Variants in ZNF461 observed in about 807,000 individuals in gnomAD.
The protein encoded by ZNF461 is gonadotropin-inducible ovarian transcription factor-1.
A neutral mutation model predicts 18.3 loss-of-function variants in ZNF461; 16 were observed. The observed-to-expected ratio is 0.88, with a 90% confidence interval of 0.59 to 1.33. ZNF461 has a LOEUF of 1.33. ZNF461 is among the 40% of genes most tolerant of loss of function. The pLI is 0.00. For missense variants in ZNF461, 595 were observed against 669.9 expected (o/e 0.89, Z 1.23); for synonymous variants, 179 against 216.9 (o/e 0.83, Z 1.54).
chr19:36,646,320 C>T (rs1314297151), intron 4 of ZNF461, among the ~76,000 whole-genome samples: 7 of 152,060 alleles, frequency 4.6e-5, no homozygotes, highest in African/African-American at 7.2e-5. Flanking sequence ...TTAGTAGAAA[C>T]GGAGTTTCAC....
chr19:36,640,089 G>T, intron 5 of ZNF461, 46 bp from the exon 6 acceptor site: 2 of 1,474,162 alleles, frequency 1.4e-6, no homozygotes, highest in South Asian at 1.3e-5. Context: ...TGTACTATAA[G>T]AGAAATAAAA....
At chr19:36,662,233 T>A (rs761226329) in intron 2 of ZNF461, among the ~76,000 whole-genome samples, 1 of 151,920 alleles carries the variant, frequency 6.6e-6, no homozygotes, top group Non-Finnish European at 1.5e-5. Context: ...AAGCTATGAT[T>A]TTTCCTTAGG....
At chr19:36,658,075 G>A in intron 3 of ZNF461, 2 of 509,418 alleles carry the variant, frequency 3.9e-6, no homozygotes, top group Non-Finnish European at 6.9e-6. Flanking sequence ...TCAAGGAGGA[G>A]TTATTATAAG....
At chr19:36,647,409 G>A (rs907568312) in intron 4 of ZNF461, among the ~76,000 whole-genome samples, 2 of 151,886 alleles carry the variant, frequency 1.3e-5, no homozygotes, top group Non-Finnish European at 2.9e-5. Flanking sequence ...GTGTGGTGGT[G>A]GGTGCCTGTA....
chr19:36,643,912 T>C (rs1192813241), intron 4 of ZNF461, 50 bp from the exon 5 acceptor site: 1 of 1,334,160 alleles, frequency 7.5e-7, no homozygotes, highest in Non-Finnish European at 1.0e-6. Flanking sequence ...AATATTTTAT[T>C]ATACAATAAA....
Position 36,658,318 on chromosome 19 carries a change from A to G in ZNF461, c.117T>C (p.Tyr39=), listed in dbSNP as rs758938957. The G allele has an allele frequency of 3.1e-6, 5 of 1,609,784 alleles. No homozygotes were observed. The Admixed American group carries it at 5.0e-5, about 16-fold the overall frequency. ...NLYKEVMLEN[Y]SNLVSLGLSV... is the part of the protein sequence containing the mutation. ...CTTTACCAAGTGACACCAAGTTGCT[A>G]TAATTCTCCAACATCACCTCCTTGT... Residue 39 remains tyrosine (Y), a synonymous_variant, in exon 3 of 6, where the codon TAT becomes TAC. Transcript: ENST00000588268.
chr19:36,639,603 A>G lies in ZNF461; in HGVS notation c.742T>C (p.Cys248Arg), dbSNP rs983218572. The change falls in exon 6 of 6, where the codon TGT becomes CGT. Residue 248 changes from cysteine to arginine, a missense_variant. Cys to Arg is a radical substitution (Grantham distance 180, BLOSUM62 -3). Coordinates refer to ENST00000588268, the MANE Select transcript of ZNF461 (RefSeq NM_153257.5). ...TIQNGDKCNE[C>R]KECWKAFVHC... The stretch of plus-strand genomic sequence containing the variant: ...ACAAAGGCCTTCCAACATTCTTTAC[A>G]CTCATTGCATTTGTCACCATTTTGA... 4 of 1,613,322 alleles carry G rather than the reference A, an allele frequency of 2.5e-6. No individual in the cohort carries two copies. The highest frequency in any genetic ancestry group is 2.5e-6 in the Non-Finnish European group (3 of 1,179,520).
intron 2 of ZNF461, among the ~76,000 whole-genome samples, chr19:36,662,349 C>T (rs1243858334): frequency 6.6e-6 from 1 of 151,998 alleles, no homozygotes; most frequent in African/African-American, 2.4e-5. Flanking sequence ...TCCTCCCCGC[C>T]GGGTTCAAGT....
At chr19:36,663,598 C>T (rs2037854021) in intron 2 of ZNF461, among the ~76,000 whole-genome samples, 1 of 149,956 alleles carries the variant, frequency 6.7e-6, no homozygotes, top group African/African-American at 2.5e-5. Flanking sequence ...TAGCTCACTG[C>T]AGCCGCAAAC....
intron 4 of ZNF461, among the ~76,000 whole-genome samples, chr19:36,651,477 AG>A (rs953553493): frequency 1.3e-5 from 2 of 152,050 alleles, no homozygotes; most frequent in Non-Finnish European, 2.9e-5. Flanking sequence ...GGAATCTCTA[AG>A]AAAAAAAAAC....
At chr19:36,656,685 G>GA in intron 3 of ZNF461, 142 bp from the exon 4 acceptor site, 1 of 638,030 alleles carries the variant, frequency 1.6e-6, no homozygotes, top group South Asian at 2.1e-5. Context: ...GAGAAGAGAT[G>GA]AAACACTCAT....
At chr19:36,649,370 G>A (rs971087482) in intron 4 of ZNF461, among the ~76,000 whole-genome samples, 2 of 151,768 alleles carry the variant, frequency 1.3e-5, no homozygotes, top group South Asian at 2.1e-4. Context: ...CACTCTTGGC[G>A]CCCAGGCTGG....
chr19:36,646,675 C>T (rs549285598), intron 4 of ZNF461, among the ~76,000 whole-genome samples: 2 of 152,262 alleles, frequency 1.3e-5, no homozygotes, highest in South Asian at 2.1e-4. Context: ...AAAAACAAGA[C>T]AGACTAGTGA....
chr19:36,645,802 T>TGA (rs1409800867), intron 4 of ZNF461, among the ~76,000 whole-genome samples: 1 of 152,186 alleles, frequency 6.6e-6, no homozygotes, highest in East Asian at 1.9e-4. Context: ...TTTATTTTTT[T>TGA]GAGATGGAGT....
At chr19:36,658,531 G>T in intron 2 of ZNF461, 106 bp from the exon 3 acceptor site, 2 of 1,138,868 alleles carry the variant, frequency 1.8e-6, no homozygotes, top group South Asian at 3.0e-5. Flanking sequence ...ACAGTCTACT[G>T]AATATATAGG....
intron 4 of ZNF461, among the ~76,000 whole-genome samples, chr19:36,654,239 T>C (rs1421796184): frequency 6.6e-6 from 1 of 152,230 alleles, no homozygotes; most frequent in Non-Finnish European, 1.5e-5. Flanking sequence ...CATTAAAATA[T>C]GTATGAGAAT....
rs760405314 is a variant in ZNF461, at chr19:36,638,677, AG to A, written c.1667del (p.Pro556LeufsTer6). ...TTCATGATGCTAGACTAGGATGGGG[AG>A]GGAGGAGAGGAAACCTGACTGGCTT... ...GEKPVRFPLL[P>X]PHPSLAS On this transcript the variant is annotated frameshift_variant, in exon 6 of 6. Coordinates refer to ENST00000588268, the MANE Select transcript of ZNF461 (RefSeq NM_153257.5). LOFTEE classifies it high-confidence loss of function. The A allele has an allele frequency of 6.2e-7, 1 of 1,610,888 alleles. No individual in the cohort carries two copies. Among genetic ancestry groups the A allele is most frequent in the Non-Finnish European group, 8.5e-7 (1 of 1,178,064 alleles).
At chr19:36,643,984 G>A in intron 4 of ZNF461, 122 bp from the exon 5 acceptor site, 1 of 758,728 alleles carries the variant, frequency 1.3e-6, no homozygotes, top group African/African-American at 1.8e-5. Flanking sequence ...CCAAGCTGGA[G>A]TGCAATCACA....
intron 3 of ZNF461, among the ~76,000 whole-genome samples, chr19:36,656,934 C>T (rs2037732559): frequency 1.3e-5 from 2 of 151,912 alleles, no homozygotes; most frequent in Non-Finnish European, 2.9e-5. Flanking sequence ...ACTCTCCTGC[C>T]TCAGCCTCCT....
Sources: allele counts gnomAD v4.1 joint callset (sites outside exome capture counted in the v4.1 genomes callset), GRCh38; gene constraint gnomAD v4.1.1; transcripts MANE v1.5; gene names NCBI Gene and HGNC (gene_info 2026-07-23, HGNC 2026-07-21).